Variants in TNRC6B observed in about 807,000 individuals in gnomAD.
TNRC6B encodes the protein trinucleotide repeat containing adaptor 6B.
TNRC6B carries 52 observed loss-of-function variants against 203.6 expected under a neutral mutation model. The ratio of observed to expected loss-of-function variants is 0.26; its 90% CI spans 0.20 to 0.32. The LOEUF (loss-of-function observed/expected upper bound fraction) is 0.32, where lower values mean the gene tolerates loss of function less well. TNRC6B is among the 10% of genes least tolerant of loss of function. TNRC6B has a pLI of 1.00. For synonymous variants in TNRC6B, 838 were observed against 845.7 expected (o/e 0.99, Z 0.16); for missense variants, 1,923 against 2,286.2 (o/e 0.84, Z 3.24).
chr22:40,301,382 G>A (rs766128040), intron 15 of TNRC6B, 49 bp downstream of exon 15: 4 of 1,567,812 alleles, frequency 2.6e-6, no homozygotes, highest in Non-Finnish European at 3.5e-6. Flanking sequence ...TACCTCTCTA[G>A]GCCTGTGGTA....
chr22:40,297,608 G>A (rs1413261258), intron 12 of TNRC6B, among the ~76,000 whole-genome samples: 3 of 152,182 alleles, frequency 2.0e-5, no homozygotes, highest in Non-Finnish European at 2.9e-5. Context: ...TGGATCACGA[G>A]GTCAGGAGTT....
chr22:40,294,949 C>A (rs983467676), intron 12 of TNRC6B, among the ~76,000 whole-genome samples: 1 of 152,128 alleles, frequency 6.6e-6, no homozygotes, highest in Admixed American at 6.5e-5. Context: ...TTGGAGTACA[C>A]CTATTAAAAT....
rs760668388 is a variant in TNRC6B at position 40,280,134 on chromosome 22, T to C, written c.3402T>C (p.Tyr1134=). 3.7e-6 allele frequency: 6 copies of C among 1,612,752 alleles called. No homozygotes were observed. The highest frequency in any genetic ancestry group is 4.5e-5 in the East Asian group (2 of 44,876). The part of the protein sequence containing the change: ...KDMGTTDSGP[Y]FEKLTLPFSN... The stretch of plus-strand genomic sequence containing the variant: ...TGGGAACCACAGATAGTGGGCCTTA[T>C]TTTGAGAAGGTGAGTTGAATCCTTT... Residue 1134 remains tyrosine (Y), a synonymous_variant, in exon 10 of 23, where the codon TAT becomes TAC. Coordinates refer to ENST00000454349, the MANE Select transcript of TNRC6B (RefSeq NM_001162501.2).
At chr22:40,188,451 T>C (rs1197187922) in intron 1 of TNRC6B, among the ~76,000 whole-genome samples, 1 of 152,214 alleles carries the variant, frequency 6.6e-6, no homozygotes, top group Non-Finnish European at 1.5e-5. Flanking sequence ...TAGAAGTGCA[T>C]TTTGGTTATT....
intron 4 of TNRC6B, among the ~76,000 whole-genome samples, chr22:40,160,202 C>T (rs1181224627): frequency 6.6e-6 from 1 of 152,026 alleles, no homozygotes; most frequent in African/African-American, 2.4e-5. Context: ...TTGGGCCAGG[C>T]GCGGTGACTC....
At chr22:40,312,330 T>C (rs1208414391) in intron 17 of TNRC6B, among the ~76,000 whole-genome samples, 175 bp from the exon 18 acceptor site, 1 of 152,266 alleles carries the variant, frequency 6.6e-6, no homozygotes, top group Non-Finnish European at 1.5e-5. Flanking sequence ...AAAGGTGCTG[T>C]TGGCAAGAGT....
chr22:40,297,684 T>C (rs2070962696), intron 12 of TNRC6B, among the ~76,000 whole-genome samples: 1 of 150,546 alleles, frequency 6.6e-6, no homozygotes, highest in African/African-American at 2.5e-5. Flanking sequence ...TAGCTGGGTG[T>C]GGTGGTGCGT....
intron 12 of TNRC6B, among the ~76,000 whole-genome samples, chr22:40,290,587 G>C (rs903920123): frequency 6.6e-6 from 1 of 152,168 alleles, no homozygotes; most frequent in Admixed American, 6.5e-5. Flanking sequence ...ATCTCCTTCA[G>C]CTCTCTGCTT....
chr22:40,196,097 T>A (rs1195569993), intron 1 of TNRC6B, among the ~76,000 whole-genome samples: 2 of 151,644 alleles, frequency 1.3e-5, no homozygotes, highest in Non-Finnish European at 2.9e-5. Context: ...TTCTTTTTAA[T>A]ACACTGCTAG....
chr22:40,264,752 C>T lies in TNRC6B; in HGVS notation c.522C>T (p.Ser174=). The change falls in exon 5 of 23, where the codon TCC becomes TCT. Residue 174 remains serine, a synonymous_variant. Transcript: ENST00000454349. ...YANSTWGSGA[S]SNNGTSPNPI... ...ATTCCACTTGGGGCTCGGGAGCCTC[C>T]TCCAACAACGGCACCTCCCCCAACC... 6.2e-7 allele frequency: 1 copy of T among 1,611,478 alleles called. No homozygotes were observed. The highest frequency in any genetic ancestry group is 8.5e-7 in the Non-Finnish European group (1 of 1,178,340).
intron 3 of TNRC6B, among the ~76,000 whole-genome samples, chr22:40,146,926 G>A (rs953924110): frequency 2.6e-5 from 4 of 152,162 alleles, no homozygotes; most frequent in Non-Finnish European, 5.9e-5. Context: ...TGAGAGAGAG[G>A]AAAAGAAATG....
intron 2 of TNRC6B, among the ~76,000 whole-genome samples, chr22:40,250,916 G>A (rs1332900099): frequency 2.7e-5 from 4 of 147,552 alleles, no homozygotes; most frequent in African/African-American, 5.0e-5. Flanking sequence ...GGACCTCATC[G>A]TATAATGAGT....
chr22:40,333,342 C>T lies in TNRC6B; in HGVS notation c.*10101C>T, dbSNP rs1280926815. 2.6e-5 allele frequency: 4 copies of T among 152,550 alleles called. No homozygotes were observed. Among genetic ancestry groups the T allele is most frequent in the Non-Finnish European group, 5.9e-5 (4 of 68,060 alleles). The allele number at this position is 152,550 out of a possible 1,614,324, so 9.4% of individuals were successfully genotyped here. ...ACAGAGCAAGACTTCGACTCAAAAACATAAAATAAACAAAAGACACACACA... is the reference window on the plus strand; with the variant it reads ...ACAGAGCAAGACTTCGACTCAAAAATATAAAATAAACAAAAGACACACACA... On this transcript the variant is annotated 3_prime_UTR_variant, in exon 23 of 23. Coordinates refer to ENST00000454349, the MANE Select transcript of TNRC6B (RefSeq NM_001162501.2).
At chr22:40,126,143 T>A (rs564652799) in intron 3 of TNRC6B, among the ~76,000 whole-genome samples, 108 of 152,346 alleles carry the variant, frequency 7.1e-4, no homozygotes, top group Middle Eastern at 3.4e-3. Context: ...TATAGGCTTA[T>A]AAAAAATCAG....
At chr22:40,072,343 G>C (rs556571857) in intron 1 of TNRC6B, among the ~76,000 whole-genome samples, 6 of 152,278 alleles carry the variant, frequency 3.9e-5, no homozygotes, top group South Asian at 4.1e-4. Flanking sequence ...CAAGTCAGTT[G>C]TTCTCAAGGT....
At position 40,331,032 on chromosome 22, in the gene TNRC6B, G is replaced by GCTTTGTT. The variant is rs1758534176; in HGVS notation, c.*7791_*7792insCTTTGTT. 1 of 152,652 alleles carries GCTTTGTT rather than the reference G, an allele frequency of 6.6e-6. No individual in the cohort carries two copies. The highest frequency in any genetic ancestry group is 1.5e-5 in the Non-Finnish European group (1 of 68,044). 9.5% of individuals were successfully genotyped at this position (152,652 alleles called of 1,614,324 possible). A position where few individuals can be genotyped will look rare whatever the true frequency, so the allele number is the denominator to read the frequency against. On this transcript the variant is annotated 3_prime_UTR_variant, in exon 23 of 23. Coordinates refer to ENST00000454349, the MANE Select transcript of TNRC6B (RefSeq NM_001162501.2). ...TGTTTGTGCTCATGTGGCTTTGGCT[G>GCTTTGTT]TTTTGTTTTTTGTTTTTCTGTAAGC...
intron 4 of TNRC6B, among the ~76,000 whole-genome samples, chr22:40,161,183 C>T (rs1055542983): frequency 6.6e-6 from 1 of 152,172 alleles, no homozygotes; most frequent in African/African-American, 2.4e-5. Flanking sequence ...CTTGAGAAGT[C>T]TTTCCTATCC....
chr22:40,160,951 GT>G (rs1454132739), intron 4 of TNRC6B, among the ~76,000 whole-genome samples: 2 of 151,906 alleles, frequency 1.3e-5, no homozygotes, highest in Non-Finnish European at 2.9e-5. Context: ...TTTTTATTTT[GT>G]GTATCACCTA....
upstream of TNRC6B, among the ~76,000 whole-genome samples, chr22:40,175,482 A>G (rs557493673): frequency 2.0e-5 from 3 of 152,348 alleles, no homozygotes; most frequent in African/African-American, 7.2e-5. Flanking sequence ...AAGGCAACAC[A>G]TATAAATATT....
Sources: allele counts gnomAD v4.1 joint callset (sites outside exome capture counted in the v4.1 genomes callset), GRCh38; gene constraint gnomAD v4.1.1; transcripts MANE v1.5; gene names NCBI Gene and HGNC (gene_info 2026-07-23, HGNC 2026-07-21).